GABPB1: variants seen among roughly 807,000 people sequenced by gnomAD.
GABPB1 encodes GA-binding protein subunit beta-1.
In GABPB1, 15 loss-of-function variants were observed where a neutral mutation model predicts 45.9. That is an observed-to-expected ratio of 0.33 (90% CI 0.22 to 0.50). The LOEUF (loss-of-function observed/expected upper bound fraction) is 0.50. Among genes scored for constraint, GABPB1 ranks in the 20% least tolerant of loss-of-function variants. The probability of loss-of-function intolerance (pLI) is 0.98; values close to 1 mark genes in which losing one functional copy is unlikely to be tolerated. For synonymous variants in GABPB1, 143 were observed against 154.4 expected (o/e 0.93, Z 0.55); for missense variants, 252 against 457.5 (o/e 0.55, Z 4.10).
chr15:50,310,525 G>C (rs956166216), intron 1 of GABPB1, among the ~76,000 whole-genome samples: 8 of 152,130 alleles, frequency 5.3e-5, no homozygotes, highest in Non-Finnish European at 1.0e-4. Context: ...ACTAAACTTA[G>C]CATAAATTTT....
Position 50,275,755 on chromosome 15 carries a change from G to T in GABPB1, c.*2877C>A, listed in dbSNP as rs753115831. ...TTCCTAAAAGCCAACGAAAACAAAT[G>T]ACATCACAAGTCCTTTTGTGAAGTA... On this transcript the variant is annotated 3_prime_UTR_variant, in exon 9 of 9. Coordinates refer to ENST00000380877, the MANE Select transcript of GABPB1 (RefSeq NM_016654.5). 1 of 152,106 alleles carries T rather than the reference G, an allele frequency of 6.6e-6. No individual in the cohort carries two copies. Among genetic ancestry groups the T allele is most frequent in the Non-Finnish European group, 1.5e-5 (1 of 67,988 alleles). The allele number at this position is 152,106 out of a possible 1,614,324, so 9.4% of individuals were successfully genotyped here.
intron 1 of GABPB1, among the ~76,000 whole-genome samples, chr15:50,326,559 G>A (rs1252394328): frequency 6.6e-6 from 1 of 152,164 alleles, no homozygotes; most frequent in African/African-American, 2.4e-5. Flanking sequence ...CTGCTGGGGA[G>A]GCTGAGGCAG....
intron 8 of GABPB1, among the ~76,000 whole-genome samples, chr15:50,281,483 T>C (rs539276068): frequency 1.3e-5 from 2 of 152,302 alleles, no homozygotes; most frequent in African/African-American, 2.4e-5. Context: ...AGTGCTAGGA[T>C]TACAGGCGTG....
At position 50,300,813 on chromosome 15, in the gene GABPB1, A is replaced by C. The variant is rs1376567165; in HGVS notation, c.673T>G (p.Leu225Val). Residue 225 changes from leucine to valine, a missense_variant, in exon 6 of 9, where the codon TTG becomes GTG. Leu to Val is a conservative substitution (Grantham distance 32). Coordinates refer to ENST00000380877, the MANE Select transcript of GABPB1 (RefSeq NM_016654.5). The stretch of plus-strand genomic sequence containing the variant: ...CCTGGAGTTTCTGAAGAATTGGACA[A>C]TGGAGCAGATGCTTCAGCTAAGGCA... ...LAALAEASAP[L>V]SNSSETPVVA... 1 of 1,610,570 alleles carries C rather than the reference A, an allele frequency of 6.2e-7. No individual in the cohort carries two copies. Among genetic ancestry groups the C allele is most frequent in the Non-Finnish European group, 8.5e-7 (1 of 1,176,766 alleles).
In GABPB1 at chr15:50,326,780, G is replaced by A. The variant is rs374743320; in HGVS notation, c.1-16982C>T. On this transcript the variant is annotated intron_variant, in intron 1 of 8. Coordinates refer to ENST00000380877, the MANE Select transcript of GABPB1 (RefSeq NM_016654.5). ...GCCTGGGAGGTCAAGGCTGCACTGA[G>A]CCATGATCACACTCCTACACGCCAG... is the stretch of plus-strand genomic sequence containing the variant. Among the ~76,000 whole-genome samples, 55 of 151,972 alleles carry A rather than the reference G, an allele frequency of 3.6e-4. No homozygotes were observed. The East Asian group carries it at 6.4e-3, about 18-fold the overall frequency.
At chr15:50,350,206 C>T (rs890581444) in intron 1 of GABPB1, 6 of 151,704 alleles carry the variant, frequency 4.0e-5, no homozygotes, top group African/African-American at 1.5e-4. Context: ...AGTCCTGGCC[C>T]TAACACTTAA....
At chr15:50,331,202 C>T (rs1367431693) in intron 1 of GABPB1, among the ~76,000 whole-genome samples, 1 of 152,186 alleles carries the variant, frequency 6.6e-6, no homozygotes, top group South Asian at 2.1e-4. Flanking sequence ...TTCCTTGCTT[C>T]CCATAAGGCA....
chr15:50,289,360 C>T, intron 7 of GABPB1, 123 bp downstream of exon 7: 1 of 636,732 alleles, frequency 1.6e-6, no homozygotes, highest in Non-Finnish European at 2.6e-6. Context: ...CTTTGGAACA[C>T]ATACCACAAT....
rs559129420 is a variant in GABPB1 at position 50,350,627 on chromosome 15, A to G, written c.-1+4358T>C. On this transcript the variant is annotated intron_variant, in intron 1 of 8. Coordinates refer to ENST00000380877, the MANE Select transcript of GABPB1 (RefSeq NM_016654.5). ...TGTTCTTCCACCTGTAAACCTCGGCATATTTAATAAAACCTCAAAGTTTAT... is the reference window on the plus strand; with the variant it reads ...TGTTCTTCCACCTGTAAACCTCGGCGTATTTAATAAAACCTCAAAGTTTAT... 6 of 152,056 alleles carry G rather than the reference A, an allele frequency of 3.9e-5. No individual in the cohort carries two copies. In the South Asian group the frequency reaches 1.2e-3, roughly 32 times the overall value. 9.4% of individuals were successfully genotyped at this position (152,056 alleles called of 1,614,324 possible).
At chr15:50,342,053 G>GA (rs1223074972) in intron 1 of GABPB1, among the ~76,000 whole-genome samples, 2 of 152,092 alleles carry the variant, frequency 1.3e-5, no homozygotes, top group African/African-American at 4.8e-5. Flanking sequence ...TCTGTCTCAT[G>GA]ATTCTACTCC....
chr15:50,349,493 G>A (rs1317888890), intron 1 of GABPB1: 1 of 152,200 alleles, frequency 6.6e-6, no homozygotes, highest in Non-Finnish European at 1.5e-5. Flanking sequence ...GAGAGATTAA[G>A]TAAACTGCCT....
intron 1 of GABPB1, among the ~76,000 whole-genome samples, chr15:50,345,947 G>C (rs561828760): frequency 2.0e-5 from 3 of 152,044 alleles, no homozygotes; most frequent in Admixed American, 6.6e-5. Context: ...TCCTGACCTC[G>C]TGATCCACCC....
chr15:50,310,921 G>A (rs2047110591), intron 1 of GABPB1, among the ~76,000 whole-genome samples: 1 of 150,432 alleles, frequency 6.6e-6, no homozygotes, highest in Admixed American at 6.6e-5. Flanking sequence ...AGGTTGCAGT[G>A]AGCCGAGATC....
intron 1 of GABPB1, among the ~76,000 whole-genome samples, chr15:50,329,794 A>G (rs1299459544): frequency 6.6e-6 from 1 of 152,124 alleles, no homozygotes; most frequent in Non-Finnish European, 1.5e-5. Flanking sequence ...CATACCTTCT[A>G]CCATAGGGTA....
intron 7 of GABPB1, among the ~76,000 whole-genome samples, chr15:50,288,440 C>T (rs1018448143): frequency 6.6e-6 from 1 of 152,194 alleles, no homozygotes; most frequent in Admixed American, 6.5e-5. Context: ...TAGGCACTTT[C>T]TACAGCTTCT....
intron 3 of GABPB1, 54 bp downstream of exon 3, chr15:50,303,909 CCTT>C: frequency 7.2e-7 from 1 of 1,380,888 alleles, no homozygotes; most frequent in Non-Finnish European, 9.8e-7. Context: ...AGTTCCCTCT[CCTT>C]CTTATAAAAC....
At chr15:50,346,790 C>CTTTTTTT (rs796246086) in intron 1 of GABPB1, among the ~76,000 whole-genome samples, 1 of 133,388 alleles carries the variant, frequency 7.5e-6, no homozygotes, top group African/African-American at 2.9e-5. Context: ...TGTCTGGAGT[C>CTTTTTTT]TTTTTTTTTT....
At chr15:50,311,528 C>A (rs1260493896) in intron 1 of GABPB1, among the ~76,000 whole-genome samples, 2 of 152,070 alleles carry the variant, frequency 1.3e-5, no homozygotes, top group Non-Finnish European at 2.9e-5. Flanking sequence ...AAATCTGAAA[C>A]TTTTTAAGCA....
chr15:50,302,852 C>T (rs533521888), intron 4 of GABPB1, 77 bp downstream of exon 4: 1 of 959,456 alleles, frequency 1.0e-6, no homozygotes, highest in South Asian at 1.5e-5. Context: ...TAGTTTAAAT[C>T]ATGCACAATA....
Sources: gnomAD v4.1 joint callset for allele counts (sites outside exome capture counted in the v4.1 genomes callset) on GRCh38, gnomAD v4.1.1 for gene constraint, MANE v1.5 for transcripts, NCBI Gene and HGNC (gene_info 2026-07-23, HGNC 2026-07-21) for gene names.